Variants in SLC43A2 observed in about 807,000 individuals in gnomAD.
SLC43A2 encodes the protein solute carrier family 43 member 2, also known as large neutral amino acids transporter small subunit 4.
In SLC43A2, 38 loss-of-function variants were observed where a neutral mutation model predicts 63.2. The observed-to-expected ratio is 0.60, with a 90% CI of 0.46 to 0.79. The LOEUF is 0.79. Among genes scored for constraint, SLC43A2 ranks in the 30% least tolerant of loss-of-function variants. The probability of loss-of-function intolerance (pLI) is 0.00; values close to 1 mark genes in which losing one functional copy is unlikely to be tolerated. For missense variants in SLC43A2, 644 were observed against 756.2 expected, an observed-to-expected ratio of 0.85 and a Z score of 1.74; for synonymous variants, 322 against 331.0, an observed-to-expected ratio of 0.97 and a Z score of 0.30.
chr17:1,625,731 T>C (rs1908604526), intron 2 of SLC43A2, among the ~76,000 whole-genome samples: 1 of 151,940 alleles, frequency 6.6e-6, no homozygotes, highest in Admixed American at 6.6e-5. Flanking sequence ...TGCCAGATAA[T>C]AAGAAAAACC....
intron 9 of SLC43A2, chr17:1,586,928 T>TCCCCCCCCCCCCCCCCCTACCCCTGGCCC: frequency 8.1e-7 from 1 of 1,232,914 alleles, no homozygotes; most frequent in Non-Finnish European, 1.1e-6. Flanking sequence ...TCCCTGACAA[T>TCCCCCCCCCCCCCCCCCTACCCCTGGCCC]CCCCCCCACC....
chr17:1,608,881 G>T (rs1047030336), intron 5 of SLC43A2, among the ~76,000 whole-genome samples: 4 of 152,150 alleles, frequency 2.6e-5, no homozygotes, highest in Non-Finnish European at 4.4e-5. Flanking sequence ...CCCAGGGTAA[G>T]ATCTCCTGCT....
chr17:1,575,601 C>G lies in SLC43A2; in HGVS notation c.*3G>C. 1 of 1,613,994 alleles carries G rather than the reference C, an allele frequency of 6.2e-7. No homozygotes were observed. Among genetic ancestry groups the G allele is most frequent in the Non-Finnish European group, 8.5e-7 (1 of 1,180,006 alleles). Reference sequence around the variant, plus strand: ...GGAGACCGCAGTTCCGAGGCGGCAGCCACTACACGAAGGCCTCCTGGTTGG... The same window carrying G: ...GGAGACCGCAGTTCCGAGGCGGCAGGCACTACACGAAGGCCTCCTGGTTGG... On this transcript the variant is annotated 3_prime_UTR_variant, in exon 14 of 14. Coordinates refer to ENST00000301335, the MANE Select transcript of SLC43A2 (RefSeq NM_152346.3).
intron 6 of SLC43A2, among the ~76,000 whole-genome samples, chr17:1,592,816 G>A (rs975865816): frequency 7.9e-5 from 12 of 152,186 alleles, no homozygotes; most frequent in Admixed American, 6.5e-4. Context: ...TTTGGCTGGC[G>A]GGGAGTAACG....
Position 1,591,547 on chromosome 17 carries a change from CG to C in SLC43A2, c.728+18del, listed in dbSNP as rs952747210. 1.6e-5 allele frequency: 25 copies of C among 1,562,754 alleles called. No individual in the cohort carries two copies. The Admixed American group carries it at 4.0e-4, about 25-fold the overall frequency. On this transcript the variant is annotated intron_variant, in intron 7 of 13. Coordinates refer to ENST00000301335, the MANE Select transcript of SLC43A2 (RefSeq NM_152346.3). ...GGGCGGGGGCTGGGGGCAGGCGGGA[CG>C]GGGGCACCTCTACTTACGAGTAGTC... is the stretch of plus-strand genomic sequence containing the variant.
Position 1,591,280 on chromosome 17 carries a change from G to A in SLC43A2, c.920C>T (p.Pro307Leu), listed in dbSNP as rs532849533. 2.8e-5 allele frequency: 45 copies of A among 1,604,318 alleles called. No homozygotes were observed. Among genetic ancestry groups the A allele is most frequent in the South Asian group, 2.3e-4 (21 of 91,060 alleles). ...STVDLEVKCQ[P>L]DAAVAPSFMH... ...TCTCAGGCGGGTACCTGCGGCATCC[G>A]GCTGGCACTTCACCTCCAGGTCGAC... The change falls in exon 8 of 14, where the codon CCG (proline) becomes CTG (leucine). Residue 307 changes from proline (P) to leucine (L), a missense_variant. Around this residue, in one of 3 missense-constraint regions of SLC43A2, gnomAD observed 528 missense variants for 623.6 expected, o/e 0.85. Transcript: ENST00000301335.
chr17:1,576,870 T>TG, intron 12 of SLC43A2, 150 bp from the exon 13 acceptor site: 2 of 980,160 alleles, frequency 2.0e-6, no homozygotes, highest in South Asian at 3.7e-5. Flanking sequence ...TCTGTTTTTT[T>TG]TTTTTTTTTT....
rs574596954 is a variant in SLC43A2 at position 1,591,579 on chromosome 17, C to T, written c.715G>A (p.Asp239Asn). Reference sequence around the variant, plus strand: ...ACCTCTACTTACGAGTAGTCCATGTCCTCCGGCCCCGGGAAGGGCTCAAGG... The same window carrying T: ...ACCTCTACTTACGAGTAGTCCATGTTCTCCGGCCCCGGGAAGGGCTCAAGG... The part of the protein sequence containing the change: ...WPLEPFPGPE[D>N]MDYSVKIKFS... The change falls in exon 7 of 14, where the codon GAC (aspartate) becomes AAC (asparagine). Residue 239 changes from aspartate to asparagine, a missense_variant. Transcript: ENST00000301335. The T allele has an allele frequency of 6.4e-7, 1 of 1,550,540 alleles. No individual in the cohort carries two copies. The highest frequency in any genetic ancestry group is 1.2e-5 in the South Asian group (1 of 84,220).
Position 1,575,686 on chromosome 17 carries a change from T to A in SLC43A2, c.1628A>T (p.Glu543Val). The change falls in exon 14 of 14, where the codon GAG becomes GTG. Residue 543 changes from glutamate (E) to valine (V), a missense_variant. By Grantham distance (121) the Glu-to-Val change is moderately radical. Around this residue, in one of 3 missense-constraint regions of SLC43A2, gnomAD observed 105 missense variants for 101.7 expected, o/e 1.03. Transcript: ENST00000301335. ...LYLICYRRQL[E>V]RQLQQRQEDD... ...CTCCTGCCTCTGCTGCAGCTGCCGC[T>A]CCAGCTGGCGCCGGTAGCAGATCAG... is the stretch of plus-strand genomic sequence containing the variant. 1 of 1,614,090 alleles carries A rather than the reference T, an allele frequency of 6.2e-7. No homozygotes were observed. The highest frequency in any genetic ancestry group is 8.5e-7 in the Non-Finnish European group (1 of 1,179,994).
chr17:1,604,924 T>G, intron 5 of SLC43A2: 2 of 1,526,360 alleles, frequency 1.3e-6, no homozygotes, highest in Non-Finnish European at 1.8e-6. Flanking sequence ...TAATGGCTGT[T>G]CGAAGCCGCG....
intron 5 of SLC43A2, among the ~76,000 whole-genome samples, chr17:1,608,432 C>T (rs987841364): frequency 6.6e-6 from 1 of 151,928 alleles, no homozygotes; most frequent in Admixed American, 6.6e-5. Context: ...CTCACTCTGC[C>T]ACCCAGGCTG....
chr17:1,591,751 CG>C, intron 6 of SLC43A2, 52 bp from the exon 7 acceptor site: 1 of 1,282,878 alleles, frequency 7.8e-7, no homozygotes, highest in Non-Finnish European at 1.1e-6. Flanking sequence ...AGAGTTAGCC[CG>C]GGGAGGCCAG....
intron 13 of SLC43A2, 92 bp downstream of exon 13, chr17:1,576,505 G>C: frequency 7.1e-7 from 1 of 1,416,360 alleles, no homozygotes; most frequent in Non-Finnish European, 9.4e-7. Context: ...ACATGTCCTC[G>C]GGGCCCTGAA....
rs1042448272 is a variant in SLC43A2 at position 1,604,718 on chromosome 17, C to G, written c.501+8477G>C. 14 of 1,535,262 alleles carry G rather than the reference C, an allele frequency of 9.1e-6. No individual in the cohort carries two copies. The Admixed American group carries it at 9.8e-5, about 11-fold the overall frequency. On this transcript the variant is annotated intron_variant, in intron 5 of 13. Transcript: ENST00000301335. ...CATTCCTTCTGAAGCTCCTTTTAGACCCATCTGCCCCCTGCCCTCACCTCC... is the reference window on the plus strand; with the variant it reads ...CATTCCTTCTGAAGCTCCTTTTAGAGCCATCTGCCCCCTGCCCTCACCTCC...
At chr17:1,625,196 T>A (rs1320633419) in intron 2 of SLC43A2, among the ~76,000 whole-genome samples, 1 of 152,146 alleles carries the variant, frequency 6.6e-6, no homozygotes, top group Middle Eastern at 3.2e-3. Flanking sequence ...AAACCCAGCC[T>A]GCCACGTCTC....
chr17:1,580,984 G>T (rs1406932305), intron 11 of SLC43A2, among the ~76,000 whole-genome samples: 2 of 152,050 alleles, frequency 1.3e-5, no homozygotes, highest in African/African-American at 4.8e-5. Context: ...TCTGTGGGAG[G>T]CCCCCTGCCC....
intron 9 of SLC43A2, chr17:1,586,931 C>CCCCCCCCCCCCCCCTTCCCCTGGG: frequency 1.0e-6 from 1 of 986,030 alleles, no homozygotes; most frequent in South Asian, 1.4e-5. Flanking sequence ...CTGACAATCC[C>CCCCCCCCCCCCCCCTTCCCCTGGG]CCCCACCCCC....
Position 1,593,805 on chromosome 17 carries a change from G to A in SLC43A2, c.502-526C>T, listed in dbSNP as rs868035752. Among the ~76,000 whole-genome samples, 1 of 152,162 alleles carries A rather than the reference G, an allele frequency of 6.6e-6. No individual in the cohort carries two copies. Among genetic ancestry groups the A allele is most frequent in the African/African-American group, 2.4e-5 (1 of 41,440 alleles). ...AGAATTCTACAGTTCTCTTCGGTCTGAGGATGAAGCTGGCCCAGGATTCCT... is the reference window on the plus strand; with the variant it reads ...AGAATTCTACAGTTCTCTTCGGTCTAAGGATGAAGCTGGCCCAGGATTCCT... On this transcript the variant is annotated intron_variant, in intron 5 of 13. Coordinates refer to ENST00000301335, the MANE Select transcript of SLC43A2 (RefSeq NM_152346.3). The surrounding 1 kb of genome is among the most constrained non-coding windows in gnomAD (Gnocchi z 5.3).
rs966939931 is a variant in SLC43A2 at position 1,605,137 on chromosome 17, C to T, written c.501+8058G>A. 8.6e-6 allele frequency: 11 copies of T among 1,281,658 alleles called. No homozygotes were observed. Among genetic ancestry groups the T allele is most frequent in the African/African-American group, 4.6e-5 (3 of 65,632 alleles). The allele number at this position is 1,281,658 out of a possible 1,614,324, so 79.4% of individuals were successfully genotyped here. A position where few individuals can be genotyped will look rare whatever the true frequency, so the allele number is the denominator to read the frequency against. ...TCAGGTGCTTCCCACAGCCCCCTCG[C>T]CGCCTCTGCCTCCGTGCGGGTCAAC... On this transcript the variant is annotated intron_variant, in intron 5 of 13. Transcript: ENST00000301335. The surrounding 1 kb of genome is among the most constrained non-coding windows in gnomAD (Gnocchi z 4.9).
Sources: gnomAD v4.1 joint callset for allele counts (sites outside exome capture counted in the v4.1 genomes callset) on GRCh38, gnomAD v4.1.1 for gene constraint, gnomAD v4.1.1 regional missense constraint, Gnocchi (gnomAD v3.1) non-coding constraint, MANE v1.5 for transcripts, NCBI Gene and HGNC (gene_info 2026-07-23, HGNC 2026-07-21) for gene names.